PISD: variants seen among roughly 807,000 people sequenced by gnomAD.
PISD encodes phosphatidylserine decarboxylase.
In PISD, 31 loss-of-function variants were observed where a neutral mutation model predicts 43.5. The ratio of observed to expected loss-of-function variants is 0.71; its 90% CI spans 0.54 to 0.96. The LOEUF is 0.96. PISD is among the 40% of genes least tolerant of loss of function. The pLI, the probability that PISD is intolerant of heterozygous loss-of-function variation, is 0.00. For synonymous variants in PISD, 259 were observed against 228.7 expected (o/e 1.13, Z -1.20); for missense variants, 523 against 548.4 (o/e 0.95, Z 0.46).
In PISD at chr22:31,630,710, G is replaced by A. The variant is rs566369888; in HGVS notation, c.322-8825C>T. ...AGGCCCTAGAAGGGCACCCCCACCCGGCACTGGCCCTCTGAGCGGGCAGGG... is the reference window on the plus strand; with the variant it reads ...AGGCCCTAGAAGGGCACCCCCACCCAGCACTGGCCCTCTGAGCGGGCAGGG... On this transcript the variant is annotated intron_variant, in intron 3 of 7. Transcript: ENST00000439502. The surrounding 1 kb of genome is among the most constrained non-coding windows in gnomAD (Gnocchi z 4.4). 4.7e-4 allele frequency: 465 copies of A among 984,770 alleles called. 1 individual carries two copies. The African/African-American group carries it at 6.6e-3, about 14-fold the overall frequency. The allele number at this position is 984,770 out of a possible 1,614,324, so 61.0% of individuals were successfully genotyped here. A position where few individuals can be genotyped will look rare whatever the true frequency, so the allele number is the denominator to read the frequency against.
intron 3 of PISD, among the ~76,000 whole-genome samples, chr22:31,635,059 A>T (rs1287035925): frequency 6.6e-6 from 1 of 151,348 alleles, no homozygotes; most frequent in East Asian, 2.0e-4. Flanking sequence ...CCAGCTACTC[A>T]GGAGGCTGAG....
chr22:31,625,043 G>A (rs575216878), intron 3 of PISD, among the ~76,000 whole-genome samples: 1 of 152,334 alleles, frequency 6.6e-6, no homozygotes, highest in Non-Finnish European at 1.5e-5. Flanking sequence ...CATCTGCAAA[G>A]TAACTGCATT....
In PISD at chr22:31,625,566, T is replaced by G. The variant is rs546624302; in HGVS notation, c.322-3681A>C. ...CCCCCTGCTGGGCCCTCCTCATGGTTGGAACCAAAGATACCTGAAGCGGGC... is the reference window on the plus strand; with the variant it reads ...CCCCCTGCTGGGCCCTCCTCATGGTGGGAACCAAAGATACCTGAAGCGGGC... On this transcript the variant is annotated intron_variant, in intron 3 of 7. Coordinates refer to ENST00000439502, the MANE Select transcript of PISD (RefSeq NM_001326411.2). 1.3e-4 allele frequency: 87 copies of G among 650,688 alleles called. No individual in the cohort carries two copies. The Admixed American group carries it at 2.3e-3, about 17-fold the overall frequency. 40.3% of individuals were successfully genotyped at this position (650,688 alleles called of 1,614,324 possible). A position where few individuals can be genotyped will look rare whatever the true frequency, so the allele number is the denominator to read the frequency against.
chr22:31,625,657 T>C lies in PISD; in HGVS notation c.322-3772A>G, dbSNP rs1044422845. Reference sequence around the variant, plus strand: ...TCCAGCCTCGGGGGCTGACCACCAGTCCCCTTGCCGCCACCTCTACTGCGA... The same window carrying C: ...TCCAGCCTCGGGGGCTGACCACCAGCCCCCTTGCCGCCACCTCTACTGCGA... On this transcript the variant is annotated intron_variant, in intron 3 of 7. Coordinates refer to ENST00000439502, the MANE Select transcript of PISD (RefSeq NM_001326411.2). 20 of 1,403,130 alleles carry C rather than the reference T, an allele frequency of 1.4e-5. No homozygotes were observed. In the South Asian group the frequency reaches 1.6e-4, roughly 11 times the overall value. The allele number at this position is 1,403,130 out of a possible 1,614,324, so 86.9% of individuals were successfully genotyped here.
Position 31,630,702 on chromosome 22 carries a change from C to G in PISD, c.322-8817G>C. On this transcript the variant is annotated intron_variant, in intron 3 of 7. Transcript: ENST00000439502. The surrounding 1 kb of genome is among the most constrained non-coding windows in gnomAD (Gnocchi z 4.4). The stretch of plus-strand genomic sequence containing the variant: ...GCGACCGAAGGCCCTAGAAGGGCAC[C>G]CCCACCCGGCACTGGCCCTCTGAGC... 1.0e-6 allele frequency: 1 copy of G among 984,426 alleles called. No individual in the cohort carries two copies. Among genetic ancestry groups the G allele is most frequent in the Non-Finnish European group, 1.2e-6 (1 of 829,028 alleles). 61.0% of individuals were successfully genotyped at this position (984,426 alleles called of 1,614,324 possible).
At chr22:31,626,037 C>A in intron 3 of PISD, 2 of 1,429,508 alleles carry the variant, frequency 1.4e-6, no homozygotes, top group Non-Finnish European at 1.8e-6. Context: ...CAGACAGGCA[C>A]TGGTCACACA....
chr22:31,628,416 G>C (rs552306343), intron 3 of PISD, among the ~76,000 whole-genome samples: 1 of 152,346 alleles, frequency 6.6e-6, no homozygotes, highest in East Asian at 1.9e-4. Context: ...CTCAGGCCCT[G>C]GATGAGGAGC....
At chr22:31,655,821 G>GTTTTTT (rs1166542247) in intron 1 of PISD, among the ~76,000 whole-genome samples, 1 of 151,190 alleles carries the variant, frequency 6.6e-6, no homozygotes, top group Non-Finnish European at 1.5e-5. Flanking sequence ...TTTTTTAGTA[G>GTTTTTT]AGACAGGGTT....
chr22:31,628,502 AGAG>A (rs2073026720), intron 3 of PISD, among the ~76,000 whole-genome samples: 2 of 152,294 alleles, frequency 1.3e-5, no homozygotes, highest in South Asian at 4.2e-4. Context: ...CATTCTGTGG[AGAG>A]GAGTTTAGGG....
intron 1 of PISD, among the ~76,000 whole-genome samples, chr22:31,659,634 G>A (rs952316683): frequency 1.2e-4 from 18 of 151,700 alleles, no homozygotes; most frequent in East Asian, 9.6e-4. Context: ...CTCTGTTGCC[G>A]AAGCTGGAGT....
At chr22:31,634,125 G>A (rs2073321934) in intron 3 of PISD, among the ~76,000 whole-genome samples, 1 of 152,218 alleles carries the variant, frequency 6.6e-6, no homozygotes. Context: ...TACTTCTAAG[G>A]GGATGCCCTG....
At chr22:31,650,601 C>T (rs2147792448) in intron 2 of PISD, 98 bp downstream of exon 2, 1 of 621,128 alleles carries the variant, frequency 1.6e-6, no homozygotes, top group Non-Finnish European at 2.8e-6. Flanking sequence ...CACATACTAA[C>T]TCATTTAACT....
chr22:31,648,656 G>A (rs2073949591), intron 2 of PISD, among the ~76,000 whole-genome samples: 1 of 145,786 alleles, frequency 6.9e-6, no homozygotes. Context: ...AACAGAGCGA[G>A]ACTCCATTTC....
rs370904612 is a variant in PISD, at chr22:31,649,547, C to T, written c.145+1152G>A. Among the ~76,000 whole-genome samples, 362 of 152,126 alleles carry T rather than the reference C, an allele frequency of 2.4e-3. 1 individual carries two copies. The highest frequency in any genetic ancestry group is 7.4e-3 in the African/African-American group (307 of 41,512). Reference sequence around the variant, plus strand: ...AGGAGATCGGGACCATCCTGGCTAACACGGTGAAACCCCGTCTCTACTAAA... The same window carrying T: ...AGGAGATCGGGACCATCCTGGCTAATACGGTGAAACCCCGTCTCTACTAAA... On this transcript the variant is annotated intron_variant, in intron 2 of 7. Coordinates refer to ENST00000439502, the MANE Select transcript of PISD (RefSeq NM_001326411.2).
chr22:31,642,194 C>T (rs779630046), intron 3 of PISD, among the ~76,000 whole-genome samples: 4 of 151,196 alleles, frequency 2.6e-5, no homozygotes, highest in Non-Finnish European at 5.9e-5. Context: ...TCCAGGGTGG[C>T]TCACACCTGG....
chr22:31,649,459 C>T (rs1196774115), intron 2 of PISD, among the ~76,000 whole-genome samples: 1 of 152,118 alleles, frequency 6.6e-6, no homozygotes, highest in Non-Finnish European at 1.5e-5. Flanking sequence ...GCAGGCTGGG[C>T]ATGGTGGCTC....
intron 3 of PISD, among the ~76,000 whole-genome samples, chr22:31,632,743 A>C (rs116920551): frequency 3.9e-5 from 6 of 152,188 alleles, no homozygotes; most frequent in Non-Finnish European, 1.5e-5. Context: ...AAATGGAGTA[A>C]TTAGGTAAAT....
chr22:31,640,575 GTT>G (rs759964791), intron 3 of PISD, among the ~76,000 whole-genome samples: 715 of 91,208 alleles, frequency 7.8e-3, no homozygotes, highest in African/African-American at 0.03. Context: ...CGGTTTGGTT[GTT>G]TTTTTTTTTT....
chr22:31,654,905 G>A (rs1018859137), intron 1 of PISD, among the ~76,000 whole-genome samples: 2 of 151,942 alleles, frequency 1.3e-5, no homozygotes, highest in Admixed American at 6.6e-5. Context: ...GTAAAACCCA[G>A]TAGCTACTAA....
Sources: allele counts gnomAD v4.1 joint callset (sites outside exome capture counted in the v4.1 genomes callset), GRCh38; gene constraint gnomAD v4.1.1; non-coding constraint Gnocchi (gnomAD v3.1); transcripts MANE v1.5; gene names NCBI Gene and HGNC (gene_info 2026-07-23, HGNC 2026-07-21).